TIAM2: variants seen among roughly 807,000 people sequenced by gnomAD.
The protein encoded by TIAM2 is TIAM Rac1 associated GEF 2.
In TIAM2, 80 loss-of-function variants were observed where a neutral mutation model predicts 152.9. The ratio of observed to expected loss-of-function variants is 0.52; its 90% confidence interval spans 0.44 to 0.63. TIAM2 has a LOEUF of 0.63. Ranked by LOEUF, TIAM2 falls within the 30% of genes least tolerant of loss-of-function variation. The pLI is 0.00. For synonymous variants in TIAM2, 804 were observed against 838.0 expected, an observed-to-expected ratio of 0.96 and a Z score of 0.70; for missense variants, 1,965 against 2,120.1, an observed-to-expected ratio of 0.93 and a Z score of 1.44.
At chr6:155,243,731 C>T (rs138718403) in intron 16 of TIAM2, among the ~76,000 whole-genome samples, 7,626 of 151,392 alleles carry the variant, frequency 0.05, 251 homozygotes, top group Middle Eastern at 0.075. Flanking sequence ...CCTGTAGTCC[C>T]AGCTATGTGG....
chr6:155,055,357 C>T (rs375265897), intron 1 of TIAM2, among the ~76,000 whole-genome samples: 5 of 152,078 alleles, frequency 3.3e-5, no homozygotes, highest in Admixed American at 6.6e-5. Context: ...AAGGACATGC[C>T]GATTACTTGT....
chr6:155,008,157 A>G (rs1269267379), intron 1 of TIAM2, among the ~76,000 whole-genome samples: 1 of 152,222 alleles, frequency 6.6e-6, no homozygotes, highest in Non-Finnish European at 1.5e-5. Context: ...AAATTCTTGA[A>G]TAATTTCAAG....
At chr6:155,132,313 C>T (rs535813724) in intron 4 of TIAM2, among the ~76,000 whole-genome samples, 10 of 148,774 alleles carry the variant, frequency 6.7e-5, no homozygotes, top group Non-Finnish European at 1.3e-4. Context: ...AATAATATAA[C>T]TTTTTTGAGT....
intron 2 of TIAM2, among the ~76,000 whole-genome samples, chr6:155,094,546 C>CT (rs10694318): frequency 0.71 from 56,826 of 80,112 alleles, 21,694 homozygotes; most frequent in East Asian, 0.91. Context: ...TTCACTCAGA[C>CT]TTTTTTTTTT....
rs111210721 is a variant in TIAM2 at position 155,029,125 on chromosome 6, G to A, written c.-209+33633G>A. ...ACTATGTGTTATATATACACTGTATGTACTATGTGTTATATACACTATATG... is the reference window on the plus strand; with the variant it reads ...ACTATGTGTTATATATACACTGTATATACTATGTGTTATATACACTATATG... On this transcript the variant is annotated intron_variant, in intron 1 of 26. Transcript: ENST00000682666. 5.1e-3 allele frequency among the ~76,000 whole-genome samples: 395 copies of A among 77,270 alleles called. 126 individuals are homozygous for A. The highest frequency in any genetic ancestry group is 0.053 in the Middle Eastern group (2 of 38). 50.7% of individuals were successfully genotyped at this position (77,270 alleles called of 152,430 possible). A position where few individuals can be genotyped will look rare whatever the true frequency, so the allele number is the denominator to read the frequency against.
intron 26 of TIAM2, 43 bp from the exon 27 acceptor site, chr6:155,256,441 A>T (rs371015908): frequency 1.9e-6 from 3 of 1,613,140 alleles, no homozygotes; most frequent in Non-Finnish European, 2.5e-6. Context: ...ACATTGTGTA[A>T]CCTGTTTCTG....
At position 155,129,368 on chromosome 6, in the gene TIAM2, G is replaced by A. The variant is rs769289720; in HGVS notation, c.145G>A (p.Gly49Arg). 6.2e-6 allele frequency: 10 copies of A among 1,613,998 alleles called. No individual in the cohort carries two copies. Among genetic ancestry groups the A allele is most frequent in the South Asian group, 4.4e-5 (4 of 91,078 alleles). ...EEKSLHGWGHGSNGAGYKSRS... is the reference protein window; with the variant it reads ...EEKSLHGWGHRSNGAGYKSRS... ...AAAGTCATTGCATGGATGGGGTCAC[G>A]GAAGCAACGGAGCAGGTTACAAGTC... Residue 49 changes from glycine to arginine, a missense_variant, in exon 4 of 27, where the codon GGA becomes AGA. This residue lies in a region of TIAM2 where 1,025 missense variants were observed against 1,119.4 expected (regional missense o/e 0.92). Coordinates refer to ENST00000682666, the MANE Select transcript of TIAM2 (RefSeq NM_012454.4). This position sits in a 1 kb window ranked among gnomAD's most constrained non-coding sequence, Gnocchi z 4.8.
At chr6:155,168,964 CAA>C in intron 9 of TIAM2, 1 of 1,405,852 alleles carries the variant, frequency 7.1e-7, no homozygotes, top group Non-Finnish European at 9.5e-7. Context: ...ATGAATGACA[CAA>C]ATGCTAACTT....
At chr6:155,251,061 CT>C (rs1783626158) in intron 22 of TIAM2, 40 bp downstream of exon 22, 1 of 1,576,744 alleles carries the variant, frequency 6.3e-7, no homozygotes. Context: ...TGAACAGAGG[CT>C]GGGATTACGG....
chr6:155,230,791 A>G (rs1782437630), intron 15 of TIAM2, among the ~76,000 whole-genome samples: 1 of 152,034 alleles, frequency 6.6e-6, no homozygotes, highest in African/African-American at 2.4e-5. Context: ...ATATAAGTAA[A>G]TATACATAAA....
At chr6:155,177,636 A>G (rs903082877) in intron 10 of TIAM2, among the ~76,000 whole-genome samples, 1 of 152,262 alleles carries the variant, frequency 6.6e-6, no homozygotes, top group Non-Finnish European at 1.5e-5. Flanking sequence ...AAAAAGGCAT[A>G]TAGAGTTTGG....
chr6:155,240,593 G>A lies in TIAM2; in HGVS notation c.3232G>A (p.Gly1078Arg). Residue 1078 changes from glycine to arginine, a missense_variant, in exon 16 of 27, where the codon GGA (glycine) becomes AGA (arginine). Gly to Arg is a moderately radical substitution (Grantham distance 125). Transcript: ENST00000682666. Reference sequence around the variant, plus strand: ...CGACAGTCAGGCCAACGGCATGGAAGGACCGCGGGAGAATCAGGATCCTCC... The same window carrying A: ...CGACAGTCAGGCCAACGGCATGGAAAGACCGCGGGAGAATCAGGATCCTCC... Reference protein sequence around the residue: ...FNDSQANGMEGPRENQDPPPR... With the variant: ...FNDSQANGMERPRENQDPPPR... 1 of 1,614,176 alleles carries A rather than the reference G, an allele frequency of 6.2e-7. No homozygotes were observed. The highest frequency in any genetic ancestry group is 8.5e-7 in the Non-Finnish European group (1 of 1,180,056).
chr6:155,060,914 A>C (rs989100271), intron 1 of TIAM2, among the ~76,000 whole-genome samples: 2 of 152,234 alleles, frequency 1.3e-5, no homozygotes, highest in African/African-American at 4.8e-5. Context: ...CCAAACCAAA[A>C]CAAAATCCCA....
At chr6:155,021,052 T>A (rs927608612) in intron 1 of TIAM2, among the ~76,000 whole-genome samples, 1 of 152,198 alleles carries the variant, frequency 6.6e-6, no homozygotes, top group Non-Finnish European at 1.5e-5. Flanking sequence ...GTAGCATGTA[T>A]CAGAATGTCT....
rs1781324028 is a variant in TIAM2, at chr6:155,195,638, TA to T, written c.3064+12140del. On this transcript the variant is annotated intron_variant, in intron 14 of 26. Coordinates refer to ENST00000682666, the MANE Select transcript of TIAM2 (RefSeq NM_012454.4). ...AGTTATATAATGTATTCACAGATGATAAGTGTGACGGAACAAAAATTGATCA... is the reference window on the plus strand; with the variant it reads ...AGTTATATAATGTATTCACAGATGATAGTGTGACGGAACAAAAATTGATCA... Among the ~76,000 whole-genome samples the T allele has an allele frequency of 2.0e-5, 3 of 148,282 alleles. No individual in the cohort carries two copies. In the South Asian group the frequency reaches 6.3e-4, roughly 31 times the overall value.
intron 15 of TIAM2, among the ~76,000 whole-genome samples, chr6:155,216,098 C>G (rs975574588): frequency 6.6e-6 from 1 of 152,128 alleles, no homozygotes; most frequent in African/African-American, 2.4e-5. Flanking sequence ...TGTGAGTCAC[C>G]GTACCCAGTC....
intron 1 of TIAM2, among the ~76,000 whole-genome samples, chr6:155,010,192 G>A (rs925300723): frequency 6.6e-6 from 1 of 152,158 alleles, no homozygotes; most frequent in African/African-American, 2.4e-5. Flanking sequence ...AATCTAAGCG[G>A]AAGACTTATG....
At chr6:155,023,981 C>G (rs529463059) in intron 1 of TIAM2, among the ~76,000 whole-genome samples, 4 of 152,110 alleles carry the variant, frequency 2.6e-5, no homozygotes, top group South Asian at 4.1e-4. Flanking sequence ...AGAGGCTGTA[C>G]CAGACACTTC....
At chr6:155,164,767 G>A (rs953280481) in intron 8 of TIAM2, among the ~76,000 whole-genome samples, 167 bp downstream of exon 8, 3 of 152,232 alleles carry the variant, frequency 2.0e-5, no homozygotes, top group South Asian at 2.1e-4. Flanking sequence ...GAGACCAGAC[G>A]TCGTGCTGTA....
Sources: gnomAD v4.1 joint callset for allele counts (sites outside exome capture counted in the v4.1 genomes callset) on GRCh38, gnomAD v4.1.1 for gene constraint, gnomAD v4.1.1 regional missense constraint, Gnocchi (gnomAD v3.1) non-coding constraint, MANE v1.5 for transcripts, NCBI Gene and HGNC (gene_info 2026-07-23, HGNC 2026-07-21) for gene names.